Variants in ATE1 observed in about 807,000 individuals in gnomAD.
ATE1 encodes arginyltransferase 1.
In ATE1, 36 loss-of-function variants were observed where a neutral mutation model predicts 70.5. The ratio of observed to expected loss-of-function variants is 0.51; its 90% CI spans 0.39 to 0.67. The LOEUF (loss-of-function observed/expected upper bound fraction) is 0.67, where lower values mean the gene tolerates loss of function less well. Among genes scored for constraint, ATE1 ranks in the 30% least tolerant of loss-of-function variants. The probability of loss-of-function intolerance (pLI) is 0.00; values close to 1 mark genes in which losing one functional copy is unlikely to be tolerated. For synonymous variants in ATE1, 232 were observed against 219.3 expected (o/e 1.06, Z -0.51); for missense variants, 593 against 629.5 (o/e 0.94, Z 0.62).
At position 121,836,664 on chromosome 10, in the gene ATE1, T is replaced by C. The variant is rs568786864; in HGVS notation, c.1257+54A>G. The C allele has an allele frequency of 1.4e-5, 17 of 1,192,240 alleles. No homozygotes were observed. In the South Asian group the frequency reaches 2.1e-4, roughly 15 times the overall value. 73.9% of individuals were successfully genotyped at this position (1,192,240 alleles called of 1,614,324 possible). A position where few individuals can be genotyped will look rare whatever the true frequency, so the allele number is the denominator to read the frequency against. ...CCAGTGCCCTGAGATAAAAATTTTA[T>C]GAGAGATTCATTTTTCTATAATAAA... On this transcript the variant is annotated intron_variant, in intron 10 of 11. Coordinates refer to ENST00000224652, the MANE Select transcript of ATE1 (RefSeq NM_001001976.3).
intron 8 of ATE1, among the ~76,000 whole-genome samples, chr10:121,861,485 C>T (rs1034389339): frequency 1.1e-4 from 16 of 150,728 alleles, no homozygotes; most frequent in African/African-American, 2.2e-4. Context: ...AGTAAACTAT[C>T]GCAAGAACAA....
At chr10:121,783,620 T>A (rs1946087530) in intron 11 of ATE1, among the ~76,000 whole-genome samples, 1 of 152,150 alleles carries the variant, frequency 6.6e-6, no homozygotes, top group Non-Finnish European at 1.5e-5. Flanking sequence ...AACCAGCACT[T>A]AAATAGCTGG....
At chr10:121,808,423 C>T (rs1947185598) in intron 10 of ATE1, among the ~76,000 whole-genome samples, 1 of 152,162 alleles carries the variant, frequency 6.6e-6, no homozygotes, top group African/African-American at 2.4e-5. Flanking sequence ...TGGGGTTCGA[C>T]AGCAAGATCC....
chr10:121,746,015 T>C (rs563401657), intron 11 of ATE1, among the ~76,000 whole-genome samples: 1 of 152,292 alleles, frequency 6.6e-6, no homozygotes, highest in East Asian at 1.9e-4. Flanking sequence ...TCTGGAGACA[T>C]ATATGTCAGC....
chr10:121,926,745 TTTGGTGTA>T, intron 1 of ATE1: 1 of 985,444 alleles, frequency 1.0e-6, no homozygotes, highest in African/African-American at 1.7e-5. Flanking sequence ...ACTGTCACGA[TTTGGTGTA>T]CTTCCGGGCC....
chr10:121,869,702 G>T (rs1053749363), intron 8 of ATE1, among the ~76,000 whole-genome samples: 17 of 152,174 alleles, frequency 1.1e-4, no homozygotes, highest in African/African-American at 3.9e-4. Context: ...AGTTACAGGA[G>T]TAATGAAGAT....
intron 3 of ATE1, among the ~76,000 whole-genome samples, chr10:121,917,778 G>C (rs576615267): frequency 6.6e-6 from 1 of 152,226 alleles, no homozygotes; most frequent in South Asian, 2.1e-4. Flanking sequence ...GGGGTTGGGG[G>C]ATTGCTTTTT....
intron 8 of ATE1, among the ~76,000 whole-genome samples, chr10:121,864,150 A>G (rs185023887): frequency 6.6e-6 from 1 of 152,324 alleles, no homozygotes; most frequent in Admixed American, 6.5e-5. Flanking sequence ...CTCATTAGCT[A>G]ATGTATGACA....
intron 6 of ATE1, among the ~76,000 whole-genome samples, chr10:121,901,085 G>A (rs1415843440): frequency 6.6e-6 from 1 of 152,096 alleles, no homozygotes; most frequent in Admixed American, 6.6e-5. Context: ...GGCTGACATG[G>A]TGAAACCCTG....
intron 10 of ATE1, among the ~76,000 whole-genome samples, chr10:121,822,040 AC>A (rs773897151): frequency 1.3e-5 from 2 of 152,150 alleles, no homozygotes; most frequent in Non-Finnish European, 2.9e-5. Context: ...GGCGACTCAC[AC>A]CCACATCTCT....
intron 11 of ATE1, chr10:121,782,378 T>C (rs928911446): frequency 3.9e-5 from 6 of 152,252 alleles, no homozygotes; most frequent in African/African-American, 1.4e-4. Context: ...ATTTTAAAGC[T>C]GATGAACAGC....
At chr10:121,785,416 T>C (rs978164793) in intron 11 of ATE1, among the ~76,000 whole-genome samples, 1 of 152,146 alleles carries the variant, frequency 6.6e-6, no homozygotes, top group African/African-American at 2.4e-5. Context: ...CGGGAAGTGG[T>C]GCCAGGCTTG....
At chr10:121,757,739 C>T (rs1166867719) in intron 11 of ATE1, among the ~76,000 whole-genome samples, 1 of 152,168 alleles carries the variant, frequency 6.6e-6, no homozygotes. Flanking sequence ...ATCATTCACT[C>T]CCACTGGGTC....
chr10:121,918,596 G>C (rs192550452), intron 3 of ATE1, among the ~76,000 whole-genome samples: 1 of 152,198 alleles, frequency 6.6e-6, no homozygotes, highest in Admixed American at 6.5e-5. Flanking sequence ...CTTATGAATA[G>C]AATCCTGTCC....
At chr10:121,747,936 A>G (rs969691546) in intron 11 of ATE1, among the ~76,000 whole-genome samples, 2 of 152,230 alleles carry the variant, frequency 1.3e-5, no homozygotes, top group African/African-American at 2.4e-5. Flanking sequence ...ATGAATAACA[A>G]TCTCCACCAT....
At chr10:121,848,389 G>T (rs561797792) in intron 8 of ATE1, among the ~76,000 whole-genome samples, 4 of 152,138 alleles carry the variant, frequency 2.6e-5, no homozygotes, top group African/African-American at 9.6e-5. Context: ...GGCAGAGGCA[G>T]GCCGATCATT....
intron 8 of ATE1, among the ~76,000 whole-genome samples, chr10:121,842,824 TAAC>T (rs1184691742): frequency 6.6e-6 from 1 of 152,152 alleles, no homozygotes; most frequent in Non-Finnish European, 1.5e-5. Flanking sequence ...TAATCACTCT[TAAC>T]AAACTGGGAA....
At chr10:121,787,538 A>G (rs74909547) in intron 11 of ATE1, among the ~76,000 whole-genome samples, 1,757 of 152,326 alleles carry the variant, frequency 0.012, 36 homozygotes, top group African/African-American at 0.041. Context: ...TGAAAGTTCC[A>G]CAGATTCAGC....
chr10:121,788,646 T>C (rs1013369488), intron 11 of ATE1, among the ~76,000 whole-genome samples: 1 of 152,214 alleles, frequency 6.6e-6, no homozygotes, highest in African/African-American at 2.4e-5. Flanking sequence ...TCTACTCCTC[T>C]CTTCTCCTCC....
Sources: allele counts gnomAD v4.1 joint callset (sites outside exome capture counted in the v4.1 genomes callset), GRCh38; gene constraint gnomAD v4.1.1; transcripts MANE v1.5; gene names NCBI Gene and HGNC (gene_info 2026-07-23, HGNC 2026-07-21).